Variants in MCF2L2 observed in about 807,000 individuals in gnomAD.
MCF2L2 encodes the protein probable guanine nucleotide exchange factor MCF2L2.
In MCF2L2, 102 loss-of-function variants were observed where a neutral mutation model predicts 150.2. The observed-to-expected ratio is 0.68, with a 90% CI of 0.58 to 0.80. The LOEUF (loss-of-function observed/expected upper bound fraction) is 0.80. Among genes scored for constraint, MCF2L2 ranks in the 30% least tolerant of loss-of-function variants. MCF2L2 has a pLI of 0.00. For synonymous variants in MCF2L2, 465 were observed against 491.3 expected, an observed-to-expected ratio of 0.95 and a Z score of 0.71; for missense variants, 1,256 against 1,372.8, an observed-to-expected ratio of 0.91 and a Z score of 1.34.
intron 3 of MCF2L2, among the ~76,000 whole-genome samples, chr3:183,353,458 A>AT (rs1560036187): frequency 6.6e-6 from 1 of 152,134 alleles, no homozygotes; most frequent in African/African-American, 2.4e-5. Flanking sequence ...TGGGTAATTT[A>AT]TTTTTTAAAA....
chr3:183,281,259 G>C (rs969407673), intron 14 of MCF2L2, among the ~76,000 whole-genome samples: 1 of 152,038 alleles, frequency 6.6e-6, no homozygotes, highest in Non-Finnish European at 1.5e-5. Context: ...TCAGTCCAGG[G>C]TGTTCTACAT....
In MCF2L2 at chr3:183,272,326, T is replaced by G. The variant is rs1476230001; in HGVS notation, c.1862+4546A>C. ...TTATATGAAGGCCAAAATAATGACT[T>G]CAGCAAGAGTGACTGAACTCACTCT... On this transcript the variant is annotated intron_variant, in intron 15 of 29. Transcript: ENST00000328913. 4.0e-6 allele frequency: 4 copies of G among 1,000,114 alleles called. No homozygotes were observed. The African/African-American group carries it at 7.0e-5, about 17-fold the overall frequency. 62.0% of individuals were successfully genotyped at this position (1,000,114 alleles called of 1,614,324 possible).
chr3:183,184,772 C>T (rs1721637776), intron 27 of MCF2L2, among the ~76,000 whole-genome samples: 2 of 152,146 alleles, frequency 1.3e-5, no homozygotes, highest in East Asian at 3.8e-4. Context: ...ATGGTGTTTC[C>T]CTTACTGTCC....
chr3:183,294,551 ATG>A (rs367979993), intron 13 of MCF2L2, among the ~76,000 whole-genome samples: 75 of 139,452 alleles, frequency 5.4e-4, no homozygotes, highest in East Asian at 8.4e-4. Flanking sequence ...ATATATATGT[ATG>A]TGTGTGTGTG....
In MCF2L2 at chr3:183,179,523, G is replaced by C; in HGVS notation, c.3222-20C>G. ...GTCGCCCTGCAATTCCGAGAAGAAA[G>C]TCAGAGACGCCGTGGCCCAAAGAGG... On this transcript the variant is annotated intron_variant, in intron 29 of 29. Transcript: ENST00000328913. This position sits in a 1 kb window ranked among gnomAD's most constrained non-coding sequence, Gnocchi z 4.2. 25 of 1,611,034 alleles carry C rather than the reference G, an allele frequency of 1.6e-5. No homozygotes were observed. The highest frequency in any genetic ancestry group is 2.1e-5 in the Non-Finnish European group (25 of 1,177,812).
chr3:183,327,303 T>A (rs1402339992), intron 5 of MCF2L2, among the ~76,000 whole-genome samples: 1 of 151,802 alleles, frequency 6.6e-6, no homozygotes, highest in East Asian at 1.9e-4. Context: ...CCAACCTGGG[T>A]GAGAGAATGA....
chr3:183,255,379 C>T (rs976159653), intron 15 of MCF2L2, among the ~76,000 whole-genome samples: 1 of 152,110 alleles, frequency 6.6e-6, no homozygotes, highest in African/African-American at 2.4e-5. Flanking sequence ...TTTTTGGGGC[C>T]AACTCTTTGC....
rs1295499548 is a variant in MCF2L2, at chr3:183,277,109, C to A, written c.1777-152G>T. ...TCATGCCGCTTTCTCAGGTTTTCCC[C>A]AGCCACTCTGGATCCATTATGGTTT... On this transcript the variant is annotated intron_variant, in intron 14 of 29. Transcript: ENST00000328913. 4.9e-6 allele frequency: 3 copies of A among 612,522 alleles called. 1 individual carries two copies. In the Admixed American group the frequency reaches 8.5e-5, roughly 17 times the overall value. 37.9% of individuals were successfully genotyped at this position (612,522 alleles called of 1,614,324 possible).
chr3:183,271,031 C>T (rs940588695), intron 15 of MCF2L2: 13 of 1,179,148 alleles, frequency 1.1e-5, no homozygotes, highest in East Asian at 1.0e-4. Context: ...AAAATGAGGA[C>T]GAAAGACAAA....
At chr3:183,246,933 C>A (rs189782567) in intron 15 of MCF2L2, among the ~76,000 whole-genome samples, 1 of 152,038 alleles carries the variant, frequency 6.6e-6, no homozygotes, top group Non-Finnish European at 1.5e-5. Flanking sequence ...TTAATGTGTG[C>A]GTTATCTTAC....
chr3:183,402,403 G>A (rs914936662), intron 1 of MCF2L2, among the ~76,000 whole-genome samples: 16 of 139,782 alleles, frequency 1.1e-4, no homozygotes, highest in Non-Finnish European at 2.0e-4. Flanking sequence ...GCAGTGAGCC[G>A]AGATCACGCC....
chr3:183,280,666 T>C (rs1045278966), intron 14 of MCF2L2, among the ~76,000 whole-genome samples: 5 of 151,880 alleles, frequency 3.3e-5, no homozygotes, highest in South Asian at 4.2e-4. Flanking sequence ...CTGGCCAACA[T>C]AGAGAAACCC....
At chr3:183,402,712 G>T (rs1393592999) in intron 1 of MCF2L2, among the ~76,000 whole-genome samples, 1 of 130,020 alleles carries the variant, frequency 7.7e-6, no homozygotes, top group Non-Finnish European at 1.7e-5. Context: ...TATTATGTTA[G>T]CACTAATAAA....
At chr3:183,193,241 G>A in intron 26 of MCF2L2, 145 bp from the exon 27 acceptor site, 1 of 656,660 alleles carries the variant, frequency 1.5e-6, no homozygotes, top group East Asian at 2.6e-5. Flanking sequence ...ACCTGTAGTT[G>A]AAGACCTGCC....
chr3:183,300,139 G>T lies in MCF2L2; in HGVS notation c.1171C>A (p.His391Asn). The T allele has an allele frequency of 1.2e-6, 2 of 1,613,682 alleles. No individual in the cohort carries two copies. Among genetic ancestry groups the T allele is most frequent in the Non-Finnish European group, 1.7e-6 (2 of 1,179,912 alleles). ...ALVGDQLIQS[H>N]HYAADAIRPR... The stretch of plus-strand genomic sequence containing the variant: ...CTGATGGCATCTGCTGCATAATGGT[G>T]GCTTTGGATGAGCTGGTCCCCAACC... The change falls in exon 11 of 30, where the codon CAC becomes AAC. Residue 391 changes from histidine to asparagine, a missense_variant. His to Asn is a moderately conservative substitution (Grantham distance 68, BLOSUM62 1). Coordinates refer to ENST00000328913, the MANE Select transcript of MCF2L2 (RefSeq NM_015078.4).
chr3:183,302,328 A>T (rs1031609899), intron 10 of MCF2L2, among the ~76,000 whole-genome samples: 1 of 152,168 alleles, frequency 6.6e-6, no homozygotes, highest in African/African-American at 2.4e-5. Context: ...AAATGTGTGC[A>T]TGGTCTTGGG....
At chr3:183,312,563 T>C (rs1448870106) in intron 7 of MCF2L2, among the ~76,000 whole-genome samples, 1 of 152,224 alleles carries the variant, frequency 6.6e-6, no homozygotes, top group Non-Finnish European at 1.5e-5. Flanking sequence ...GGAGGCTGGT[T>C]TGGTATGCCC....
intron 1 of MCF2L2, among the ~76,000 whole-genome samples, chr3:183,423,424 T>C (rs1715986269): frequency 6.6e-6 from 1 of 152,186 alleles, no homozygotes; most frequent in African/African-American, 2.4e-5. Context: ...TCTCCAATGA[T>C]ATAAGGAATG....
chr3:183,400,825 G>A (rs549267835), intron 1 of MCF2L2, among the ~76,000 whole-genome samples: 1 of 151,534 alleles, frequency 6.6e-6, no homozygotes, highest in Non-Finnish European at 1.5e-5. Context: ...AAAATAAAAC[G>A]ATAGGGATAA....
Sources: allele counts gnomAD v4.1 joint callset (sites outside exome capture counted in the v4.1 genomes callset), GRCh38; gene constraint gnomAD v4.1.1; non-coding constraint Gnocchi (gnomAD v3.1); transcripts MANE v1.5; gene names NCBI Gene and HGNC (gene_info 2026-07-23, HGNC 2026-07-21).